The following NEGR1 variants were observed in gnomAD, a reference collection of about 807,000 sequenced individuals.
NEGR1 encodes IgLON family member 4.
Under a neutral mutation model 40.9 loss-of-function variants are expected in NEGR1, and 10 were observed. The observed-to-expected ratio is 0.24, with a 90% confidence interval of 0.15 to 0.42. The LOEUF (loss-of-function observed/expected upper bound fraction) is 0.42, where lower values mean the gene tolerates loss of function less well. Among genes scored for constraint, NEGR1 ranks in the 10% least tolerant of loss-of-function variants. NEGR1 has a pLI of 1.00. For synonymous variants in NEGR1, 185 were observed against 166.8 expected, an observed-to-expected ratio of 1.11 and a Z score of -0.84; for missense variants, 352 against 438.9, an observed-to-expected ratio of 0.80 and a Z score of 1.77.
chr1:71,944,263 T>A (rs1301977856), intron 1 of NEGR1, among the ~76,000 whole-genome samples: 2 of 152,154 alleles, frequency 1.3e-5, no homozygotes, highest in Admixed American at 1.3e-4. Flanking sequence ...TAATGAAAAC[T>A]ACATTCAAAA....
At chr1:71,578,861 A>C (rs913511756) in intron 6 of NEGR1, among the ~76,000 whole-genome samples, 1 of 152,138 alleles carries the variant, frequency 6.6e-6, no homozygotes, top group Non-Finnish European at 1.5e-5. Flanking sequence ...CTTTAAGAAA[A>C]AATTGGCACA....
intron 2 of NEGR1, among the ~76,000 whole-genome samples, chr1:71,823,203 A>AC (rs1658497954): frequency 3.6e-5 from 5 of 140,616 alleles, no homozygotes; most frequent in Non-Finnish European, 7.7e-5. Flanking sequence ...TTTCTGCATC[A>AC]TTTTTTTTTT....
At position 71,569,571 on chromosome 1, in the gene NEGR1, G is replaced by T. The variant is rs141180853; in HGVS notation, c.940+23246C>A. 6.8e-4 allele frequency among the ~76,000 whole-genome samples: 104 copies of T among 152,200 alleles called. 1 individual carries two copies. The East Asian group carries it at 0.019, about 27-fold the overall frequency. On this transcript the variant is annotated intron_variant, in intron 6 of 6. Transcript: ENST00000357731. ...TCAGTAATGATCTAGACTACCGTTT[G>T]GGCGTTTAAAGTTTTAAAGTTTATT...
rs1477936763 is a variant in NEGR1 at position 72,088,408 on chromosome 1, G to A, written c.177-153097C>T. 3.9e-5 allele frequency among the ~76,000 whole-genome samples: 6 copies of A among 152,080 alleles called. No homozygotes were observed. In the East Asian group the frequency reaches 9.6e-4, roughly 24 times the overall value. ...TACTATTCGGGCTATCACAGTAGAC[G>A]ACCATTACGAGTGATTAAGAGGGTA... On this transcript the variant is annotated intron_variant, in intron 1 of 6. Transcript: ENST00000357731.
At chr1:72,088,209 T>C (rs1320394912) in intron 1 of NEGR1, among the ~76,000 whole-genome samples, 1 of 152,168 alleles carries the variant, frequency 6.6e-6, no homozygotes, top group Non-Finnish European at 1.5e-5. Flanking sequence ...CCTGTTAGTG[T>C]GGTCCCTAGA....
rs1369859916 is a variant in NEGR1, at chr1:71,905,656, T to G, written c.409+29423A>C. On this transcript the variant is annotated intron_variant, in intron 2 of 6. Coordinates refer to ENST00000357731, the MANE Select transcript of NEGR1 (RefSeq NM_173808.3). ...CTTAGCCTTTTGATTTAACAATATT[T>G]TGAATAATCTTTCTGACCTAGGAAA... Among the ~76,000 whole-genome samples the G allele has an allele frequency of 2.0e-5, 3 of 152,102 alleles. No homozygotes were observed. In the East Asian group the frequency reaches 5.8e-4, roughly 29 times the overall value.
intron 1 of NEGR1, among the ~76,000 whole-genome samples, chr1:72,039,194 A>T (rs919011592): frequency 2.0e-5 from 3 of 152,006 alleles, no homozygotes; most frequent in Non-Finnish European, 4.4e-5. Context: ...TTAAGAGGGC[A>T]ATATAATAAA....
At chr1:71,541,547 G>A (rs1647703182) in intron 6 of NEGR1, among the ~76,000 whole-genome samples, 2 of 151,748 alleles carry the variant, frequency 1.3e-5, no homozygotes. Context: ...CAAACTCTCT[G>A]ACAACGAAGG....
chr1:71,759,167 G>A (rs1052983051), intron 3 of NEGR1, among the ~76,000 whole-genome samples: 30 of 151,686 alleles, frequency 2.0e-4, no homozygotes, highest in African/African-American at 6.8e-4. Context: ...TGTTCCTTCC[G>A]GATACTTATA....
chr1:72,183,644 A>T (rs904487721), intron 1 of NEGR1, among the ~76,000 whole-genome samples: 1 of 152,098 alleles, frequency 6.6e-6, no homozygotes, highest in African/African-American at 2.4e-5. Context: ...ATCTAATGCC[A>T]GGTGTTGAGG....
chr1:71,866,084 CA>C (rs1176814864), intron 2 of NEGR1, among the ~76,000 whole-genome samples: 23 of 151,274 alleles, frequency 1.5e-4, no homozygotes, highest in African/African-American at 5.1e-4. Flanking sequence ...TAAACAAACA[CA>C]AAAAAAGCCT....
At chr1:71,913,503 C>A (rs188323002) in intron 2 of NEGR1, among the ~76,000 whole-genome samples, 2 of 152,116 alleles carry the variant, frequency 1.3e-5, no homozygotes, top group Non-Finnish European at 1.5e-5. Flanking sequence ...ACTTCTAAAC[C>A]CATATTTTGC....
At chr1:71,417,344 G>A (rs549144060) in intron 6 of NEGR1, among the ~76,000 whole-genome samples, 1 of 151,726 alleles carries the variant, frequency 6.6e-6, no homozygotes, top group African/African-American at 2.4e-5. Context: ...TTTCTGCATT[G>A]GGATGAGGTT....
chr1:71,543,205 T>G (rs758744236), intron 6 of NEGR1, among the ~76,000 whole-genome samples: 1 of 151,702 alleles, frequency 6.6e-6, no homozygotes, highest in Admixed American at 6.6e-5. Flanking sequence ...CAAATATGTA[T>G]GTTTTGGTGT....
At chr1:71,705,374 T>C (rs1046935349) in intron 3 of NEGR1, among the ~76,000 whole-genome samples, 2 of 152,196 alleles carry the variant, frequency 1.3e-5, no homozygotes, top group African/African-American at 4.8e-5. Flanking sequence ...AAAGCAAAAC[T>C]ATATAAGAAT....
chr1:71,883,500 A>ATC (rs1216096882), intron 2 of NEGR1, among the ~76,000 whole-genome samples: 1 of 152,188 alleles, frequency 6.6e-6, no homozygotes, highest in Non-Finnish European at 1.5e-5. Context: ...TTGAGAAGAG[A>ATC]TAGAGTCTAA....
At chr1:71,625,254 T>A (rs1357001980) in intron 4 of NEGR1, among the ~76,000 whole-genome samples, 1 of 151,676 alleles carries the variant, frequency 6.6e-6, no homozygotes, top group African/African-American at 2.4e-5. Flanking sequence ...GTGTGTATGA[T>A]ACCTTATATT....
chr1:71,691,761 T>C (rs1340318940), intron 4 of NEGR1, among the ~76,000 whole-genome samples: 2 of 151,770 alleles, frequency 1.3e-5, no homozygotes, highest in African/African-American at 2.4e-5. Flanking sequence ...CTGTTTTGTG[T>C]CTTGATCTGA....
At chr1:71,973,748 G>A (rs545232345) in intron 1 of NEGR1, among the ~76,000 whole-genome samples, 1 of 152,240 alleles carries the variant, frequency 6.6e-6, no homozygotes, top group Admixed American at 6.5e-5. Flanking sequence ...TTATTTGGAA[G>A]CATATGCACA....
Sources: allele counts gnomAD v4.1 joint callset (sites outside exome capture counted in the v4.1 genomes callset), GRCh38; gene constraint gnomAD v4.1.1; transcripts MANE v1.5; gene names NCBI Gene and HGNC (gene_info 2026-07-23, HGNC 2026-07-21).